Variants in SI observed in about 807,000 individuals in gnomAD.
SI encodes the protein sucrase-isomaltase.
In SI, 235 loss-of-function variants were observed where a neutral mutation model predicts 253.3. That is an observed-to-expected ratio of 0.93 (90% CI 0.83 to 1.03). The LOEUF is 1.03. Ranked by LOEUF, SI falls within the 50% of genes least tolerant of loss-of-function variation. The pLI, the probability that SI is intolerant of heterozygous loss-of-function variation, is 0.00. For missense variants in SI, 2,442 were observed against 2,211.1 expected (o/e 1.10, Z -2.09); for synonymous variants, 819 against 712.0 (o/e 1.15, Z -2.39).
chr3:165,016,489 A>G (rs1719038226), intron 31 of SI, among the ~76,000 whole-genome samples: 1 of 151,996 alleles, frequency 6.6e-6, no homozygotes, highest in Admixed American at 6.6e-5. Context: ...CGGGAAGTAT[A>G]CAGCAAATAT....
At chr3:165,077,905 C>G (rs1369311731) in intron 1 of SI, among the ~76,000 whole-genome samples, 2 of 151,460 alleles carry the variant, frequency 1.3e-5, no homozygotes, top group Admixed American at 1.3e-4. Context: ...TTTTGGATTA[C>G]AGTAATTTTA....
At chr3:165,063,784 A>G (rs1448487999) in intron 7 of SI, among the ~76,000 whole-genome samples, 1 of 150,252 alleles carries the variant, frequency 6.7e-6, no homozygotes, top group Non-Finnish European at 1.5e-5. Flanking sequence ...CTATTAATAT[A>G]TTACTTAACT....
intron 15 of SI, among the ~76,000 whole-genome samples, chr3:165,048,536 C>G (rs1044101405): frequency 1.4e-5 from 2 of 141,736 alleles, no homozygotes; most frequent in Non-Finnish European, 3.0e-5. Flanking sequence ...AAAAAAGAGT[C>G]TTAGTTAAAT....
chr3:165,007,933 T>C lies in SI; in HGVS notation c.4245A>G (p.Leu1415=), dbSNP rs1461952844. 6.3e-7 allele frequency: 1 copy of C among 1,593,298 alleles called. No individual in the cohort carries two copies. Among genetic ancestry groups the C allele is most frequent in the Non-Finnish European group, 8.6e-7 (1 of 1,162,534 alleles). ...TACCTGGGAAATAAGGTGGATAATT[T>C]AGTTCGTCATTTCTGCATTGATTAG... ...TTTNQCRNDE[L]NYPPYFPELT... is the part of the protein sequence containing the mutation. Residue 1415 remains leucine (L), a synonymous_variant, in exon 36 of 48, where the codon CTA becomes CTG. Coordinates refer to ENST00000264382, the MANE Select transcript of SI (RefSeq NM_001041.4).
rs1715144210 is a variant in SI at position 165,078,449 on chromosome 3, T to C, written c.-17A>G. 1 of 152,026 alleles carries C rather than the reference T, an allele frequency of 6.6e-6. No homozygotes were observed. The highest frequency in any genetic ancestry group is 1.5e-5 in the Non-Finnish European group (1 of 67,690). 9.4% of individuals were successfully genotyped at this position (152,026 alleles called of 1,614,324 possible). A position where few individuals can be genotyped will look rare whatever the true frequency, so the allele number is the denominator to read the frequency against. Reference sequence around the variant, plus strand: ...TAGACTTACCTTATTTCATAGCCTGTTCTCTTTGCTATGTTGTACCAGACT... The same window carrying C: ...TAGACTTACCTTATTTCATAGCCTGCTCTCTTTGCTATGTTGTACCAGACT... On this transcript the variant is annotated 5_prime_UTR_variant, in exon 1 of 48. Transcript: ENST00000264382.
intron 9 of SI, among the ~76,000 whole-genome samples, chr3:165,061,399 T>A (rs1713980031): frequency 6.6e-6 from 1 of 152,012 alleles, no homozygotes; most frequent in Non-Finnish European, 1.5e-5. Context: ...TTACAGATAC[T>A]GTAAACTTTC....
At chr3:165,064,129 A>C (rs1714110699) in intron 7 of SI, among the ~76,000 whole-genome samples, 1 of 151,934 alleles carries the variant, frequency 6.6e-6, no homozygotes, top group Admixed American at 6.6e-5. Context: ...AGTCATGATA[A>C]GGTAATGGCA....
chr3:164,979,438 A>G lies in SI; in HGVS notation c.5416-8T>C. 2 of 1,426,660 alleles carry G rather than the reference A, an allele frequency of 1.4e-6. No homozygotes were observed. The highest frequency in any genetic ancestry group is 3.4e-5 in the Admixed American group (2 of 59,454). The allele number at this position is 1,426,660 out of a possible 1,614,324, so 88.4% of individuals were successfully genotyped here. ...CAGATCAATACGTAATATCTAAAAA[A>G]GTAAAATAATAATTAGTTGTTTAAT... On this transcript the variant is annotated splice_polypyrimidine_tract_variant and splice_region_variant and intron_variant, in intron 47 of 47. Coordinates refer to ENST00000264382, the MANE Select transcript of SI (RefSeq NM_001041.4).
intron 28 of SI, among the ~76,000 whole-genome samples, chr3:165,018,523 C>T (rs1011430236): frequency 1.3e-5 from 2 of 149,970 alleles, no homozygotes; most frequent in African/African-American, 4.9e-5. Context: ...CAGAAAATAT[C>T]TTGTTTATAT....
intron 23 of SI, among the ~76,000 whole-genome samples, chr3:165,032,985 T>C (rs1712331286): frequency 6.6e-6 from 1 of 151,450 alleles, no homozygotes; most frequent in Non-Finnish European, 1.5e-5. Context: ...AAGAAGAATG[T>C]ATGAAAAAAC....
chr3:164,984,728 G>T (rs960406430), intron 45 of SI, among the ~76,000 whole-genome samples: 3 of 152,056 alleles, frequency 2.0e-5, no homozygotes, highest in African/African-American at 7.2e-5. Flanking sequence ...AGTTCATTTT[G>T]ATTTACCTTT....
At chr3:165,080,996 C>T (rs1392937717), upstream of SI, among the ~76,000 whole-genome samples, 1 of 151,866 alleles carries the variant, frequency 6.6e-6, no homozygotes, top group East Asian at 1.9e-4. Context: ...ATCTCCCTGT[C>T]ATGTCAACAA....
chr3:165,084,089 G>T, the SI span, among the ~76,000 whole-genome samples: 1 of 151,950 alleles, frequency 6.6e-6, no homozygotes. Context: ...GAGGTAATTA[G>T]GTCATTGAGA....
chr3:165,040,139 T>C (rs1003274705), intron 18 of SI, among the ~76,000 whole-genome samples, 168 bp from the exon 19 acceptor site: 12 of 151,006 alleles, frequency 7.9e-5, no homozygotes, highest in African/African-American at 2.2e-4. Flanking sequence ...TTATTGTTCA[T>C]CTGACACTCA....
intron 36 of SI, 144 bp from the exon 37 acceptor site, chr3:165,007,098 G>A (rs1336586872): frequency 6.4e-6 from 4 of 628,584 alleles, no homozygotes; most frequent in East Asian, 2.9e-5. Context: ...TGTATACTTT[G>A]TATGAGTTAA....
chr3:165,057,240 A>T (rs1244369119), intron 12 of SI, among the ~76,000 whole-genome samples: 10 of 151,896 alleles, frequency 6.6e-5, no homozygotes, highest in African/African-American at 1.9e-4. Context: ...TTGATCAAGC[A>T]GAAGAAAGAA....
chr3:165,013,204 T>G lies in SI; in HGVS notation c.4000-162A>C, dbSNP rs113847515. On this transcript the variant is annotated intron_variant, in intron 33 of 47. Coordinates refer to ENST00000264382, the MANE Select transcript of SI (RefSeq NM_001041.4). ...CATTATTATTGACACACATACCATT[T>G]GCAAACTATTCCCATTTTCCATGTT... Among the ~76,000 whole-genome samples the G allele has an allele frequency of 9.0e-3, 1,372 of 152,270 alleles. 18 individuals are homozygous for G. The highest frequency in any genetic ancestry group is 0.032 in the African/African-American group (1,327 of 41,548).
intron 37 of SI, among the ~76,000 whole-genome samples, chr3:165,004,009 C>A (rs1718383132): frequency 6.6e-6 from 1 of 151,860 alleles, no homozygotes; most frequent in Admixed American, 6.6e-5. Context: ...AGTGAAAAGA[C>A]AAACCACAGA....
chr3:165,072,437 CT>C (rs1254644575), intron 3 of SI, among the ~76,000 whole-genome samples: 1 of 151,806 alleles, frequency 6.6e-6, no homozygotes, highest in East Asian at 1.9e-4. Flanking sequence ...ACAAAAAACC[CT>C]GAGTGACAAA....
Sources: gnomAD v4.1 joint callset for allele counts (sites outside exome capture counted in the v4.1 genomes callset) on GRCh38, gnomAD v4.1.1 for gene constraint, MANE v1.5 for transcripts, NCBI Gene and HGNC (gene_info 2026-07-23, HGNC 2026-07-21) for gene names.